KCNMB4: variants seen among roughly 807,000 people sequenced by gnomAD.
KCNMB4 encodes potassium calcium-activated channel subfamily M regulatory beta subunit 4.
Under a neutral mutation model 20.7 loss-of-function variants are expected in KCNMB4, and 3 were observed. The observed-to-expected ratio is 0.14, with a 90% confidence interval of 0.07 to 0.37. KCNMB4 has a LOEUF of 0.37. Among genes scored for constraint, KCNMB4 ranks in the 10% least tolerant of loss-of-function variants. The pLI, the probability that KCNMB4 is intolerant of heterozygous loss-of-function variation, is 1.00. For synonymous variants in KCNMB4, 110 were observed against 113.4 expected (o/e 0.97, Z 0.19); for missense variants, 168 against 265.9 (o/e 0.63, Z 2.56).
rs776418718 is a variant in KCNMB4 at position 70,367,022 on chromosome 12, T to C, written c.288T>C (p.Ser96=). ...QVYVNNSESN[S]RALLHSDEHQ... is the part of the protein sequence containing the mutation. ...ACGTGAACAACTCTGAGTCCAACTC[T>C]AGGGCGCTGCTGCACAGCGACGAGC... Residue 96 remains serine, a synonymous_variant, in exon 1 of 3, where the codon TCT becomes TCC. Transcript: ENST00000258111. The C allele has an allele frequency of 3.8e-6, 6 of 1,580,590 alleles. No homozygotes were observed. Among genetic ancestry groups the C allele is most frequent in the South Asian group, 1.1e-5 (1 of 88,462 alleles).
rs557661076 is a variant in KCNMB4 at position 70,370,351 on chromosome 12, A to G, written c.336+3281A>G. Among the ~76,000 whole-genome samples the G allele has an allele frequency of 4.4e-3, 662 of 149,330 alleles. 2 individuals carry two copies. Among genetic ancestry groups the G allele is most frequent in the Non-Finnish European group, 7.5e-3 (507 of 67,666 alleles). On this transcript the variant is annotated intron_variant, in intron 1 of 2. Transcript: ENST00000258111. ...GAGACAGAGTCTCGCTCTGTCGCCC[A>G]GGCTGGAGTGCATTGGCATGATCTC...
chr12:70,376,052 A>G (rs1180415630), intron 1 of KCNMB4, among the ~76,000 whole-genome samples: 1 of 152,050 alleles, frequency 6.6e-6, no homozygotes, highest in Non-Finnish European at 1.5e-5. Flanking sequence ...GCTAAAACCA[A>G]TCAATGTAAT....
intron 1 of KCNMB4, among the ~76,000 whole-genome samples, chr12:70,371,790 A>G (rs891780569): frequency 1.1e-4 from 17 of 152,218 alleles, no homozygotes; most frequent in African/African-American, 4.1e-4. Flanking sequence ...GTGTGCATTC[A>G]GGTGCTGAGA....
intron 1 of KCNMB4, among the ~76,000 whole-genome samples, chr12:70,399,025 C>G (rs1440364788): frequency 6.6e-6 from 1 of 152,154 alleles, no homozygotes; most frequent in Admixed American, 6.5e-5. Context: ...CAGCCTGTGC[C>G]AAGCAAGTAG....
At position 70,433,969 on chromosome 12, in the gene KCNMB4, G is replaced by A. The variant is rs1869432672; in HGVS notation, c.*3316G>A. 1 of 152,164 alleles carries A rather than the reference G, an allele frequency of 6.6e-6. No individual in the cohort carries two copies. The highest frequency in any genetic ancestry group is 2.1e-4 in the South Asian group (1 of 4,828). The allele number at this position is 152,164 out of a possible 1,614,324, so 9.4% of individuals were successfully genotyped here. On this transcript the variant is annotated 3_prime_UTR_variant, in exon 3 of 3. Transcript: ENST00000258111. ...AAAAATATACGCTTTTATAGGCCGG[G>A]GTTTTAGTTCATTTGACTGTAATAA...
chr12:70,386,458 A>G (rs757870854), intron 1 of KCNMB4, among the ~76,000 whole-genome samples: 3 of 152,148 alleles, frequency 2.0e-5, no homozygotes, highest in African/African-American at 4.8e-5. Context: ...CAATGAGAAA[A>G]TGACCAAGAT....
At chr12:70,374,747 C>T (rs182421482) in intron 1 of KCNMB4, among the ~76,000 whole-genome samples, 1 of 152,214 alleles carries the variant, frequency 6.6e-6, no homozygotes, top group South Asian at 2.1e-4. Flanking sequence ...GAAAAAATAT[C>T]TAGACTTGCT....
At chr12:70,424,512 G>A (rs1021226575) in intron 2 of KCNMB4, among the ~76,000 whole-genome samples, 1 of 150,890 alleles carries the variant, frequency 6.6e-6, no homozygotes, top group African/African-American at 2.4e-5. Flanking sequence ...CAATTTGGGA[G>A]GCTGAGGCAA....
intron 1 of KCNMB4, among the ~76,000 whole-genome samples, chr12:70,390,379 G>A (rs1868289665): frequency 6.6e-6 from 1 of 152,236 alleles, no homozygotes; most frequent in Admixed American, 6.5e-5. Context: ...CCAGCATACA[G>A]TGGGTAAAAT....
At chr12:70,368,597 T>A (rs937038201) in intron 1 of KCNMB4, among the ~76,000 whole-genome samples, 2 of 152,160 alleles carry the variant, frequency 1.3e-5, no homozygotes, top group African/African-American at 4.8e-5. Flanking sequence ...ACATTTTTTT[T>A]TTTAGAATTA....
At position 70,416,277 on chromosome 12, in the gene KCNMB4, C is replaced by T. The variant is rs936399561; in HGVS notation, c.465-14208C>T. On this transcript the variant is annotated intron_variant, in intron 2 of 2. Coordinates refer to ENST00000258111, the MANE Select transcript of KCNMB4 (RefSeq NM_014505.6). ...TGGGACCCCAGATGAAGGAGGGGCACCTATCTGGGACATTAATGCTAGTAT... is the reference window on the plus strand; with the variant it reads ...TGGGACCCCAGATGAAGGAGGGGCATCTATCTGGGACATTAATGCTAGTAT... Among the ~76,000 whole-genome samples the T allele has an allele frequency of 5.3e-5, 8 of 152,124 alleles. No individual in the cohort carries two copies. In the South Asian group the frequency reaches 8.3e-4, roughly 16 times the overall value.
intron 2 of KCNMB4, among the ~76,000 whole-genome samples, chr12:70,427,739 A>G (rs917509380): frequency 1.3e-5 from 2 of 152,130 alleles, no homozygotes; most frequent in East Asian, 1.9e-4. Flanking sequence ...CTTTTTTGGT[A>G]CATGTTCTTC....
intron 2 of KCNMB4, among the ~76,000 whole-genome samples, chr12:70,424,946 C>T (rs1565867744): frequency 6.6e-6 from 1 of 152,210 alleles, no homozygotes; most frequent in South Asian, 2.1e-4. Context: ...TAATTACTCT[C>T]AGTAAGATCA....
chr12:70,372,952 A>T (rs986890434), intron 1 of KCNMB4, among the ~76,000 whole-genome samples: 1 of 152,210 alleles, frequency 6.6e-6, no homozygotes, highest in Admixed American at 6.5e-5. Context: ...TGAAGAGAAC[A>T]TCAAAGAAGA....
At chr12:70,387,770 A>G (rs547738073) in intron 1 of KCNMB4, among the ~76,000 whole-genome samples, 26 of 152,286 alleles carry the variant, frequency 1.7e-4, no homozygotes, top group African/African-American at 5.8e-4. Flanking sequence ...TAAGCACATC[A>G]TGGAGAATGG....
chr12:70,395,132 A>T (rs535789222), intron 1 of KCNMB4, among the ~76,000 whole-genome samples: 1 of 127,998 alleles, frequency 7.8e-6, no homozygotes, highest in African/African-American at 3.6e-5. Context: ...ATAATTAAAC[A>T]TGTGTTCCAG....
intron 1 of KCNMB4, among the ~76,000 whole-genome samples, chr12:70,393,053 CAA>C (rs1262320570): frequency 2.0e-5 from 3 of 152,048 alleles, no homozygotes; most frequent in Non-Finnish European, 2.9e-5. Flanking sequence ...AGTTATTAAA[CAA>C]ATGTTTATAG....
chr12:70,403,287 C>T (rs1868507472), intron 2 of KCNMB4, among the ~76,000 whole-genome samples: 1 of 152,066 alleles, frequency 6.6e-6, no homozygotes, highest in Non-Finnish European at 1.5e-5. Context: ...CAGGAGCTTG[C>T]AAGGGTTGCT....
At chr12:70,404,137 T>C (rs17108108) in intron 2 of KCNMB4, among the ~76,000 whole-genome samples, 17,740 of 152,132 alleles carry the variant, frequency 0.12, 1,263 homozygotes, top group African/African-American at 0.19. Context: ...TAATATGGAG[T>C]AATGAGTTTG....
Sources: gnomAD v4.1 joint callset for allele counts (sites outside exome capture counted in the v4.1 genomes callset) on GRCh38, gnomAD v4.1.1 for gene constraint, MANE v1.5 for transcripts, NCBI Gene and HGNC (gene_info 2026-07-23, HGNC 2026-07-21) for gene names.